The following TINAG variants were observed in gnomAD, a reference collection of about 807,000 sequenced individuals.
TINAG encodes tubulointerstitial nephritis antigen.
TINAG carries 83 observed loss-of-function variants against 72.7 expected under a neutral mutation model. The ratio of observed to expected loss-of-function variants is 1.14; its 90% CI spans 0.96 to 1.37. The LOEUF is 1.37. TINAG is among the 40% of genes most tolerant of loss of function. TINAG has a pLI of 0.00. For missense variants in TINAG, 685 were observed against 576.6 expected (o/e 1.19, Z -1.93); for synonymous variants, 234 against 189.9 (o/e 1.23, Z -1.91).
intron 4 of TINAG, among the ~76,000 whole-genome samples, chr6:54,341,767 A>G (rs1308646233): frequency 6.6e-6 from 1 of 152,120 alleles, no homozygotes; most frequent in African/African-American, 2.4e-5. Flanking sequence ...AATTTTTAAC[A>G]TTTTACTTCT....
chr6:54,334,603 G>C (rs1009122965), intron 4 of TINAG, among the ~76,000 whole-genome samples: 7 of 152,184 alleles, frequency 4.6e-5, no homozygotes, highest in African/African-American at 1.7e-4. Context: ...GGCAAATTGA[G>C]GTTGAGAAGT....
chr6:54,368,559 T>TA (rs1293911986), intron 9 of TINAG, among the ~76,000 whole-genome samples: 5 of 151,256 alleles, frequency 3.3e-5, no homozygotes, highest in Non-Finnish European at 3.0e-5. Flanking sequence ...TATTGCTTAT[T>TA]AAATTCTTAT....
At chr6:54,337,938 G>C (rs1017818503) in intron 4 of TINAG, among the ~76,000 whole-genome samples, 1 of 152,176 alleles carries the variant, frequency 6.6e-6, no homozygotes, top group African/African-American at 2.4e-5. Flanking sequence ...GCCGAGGACA[G>C]AGTAGTATGA....
At chr6:54,341,458 GT>G (rs1354384602) in intron 4 of TINAG, among the ~76,000 whole-genome samples, 2 of 152,080 alleles carry the variant, frequency 1.3e-5, no homozygotes, top group East Asian at 3.9e-4. Flanking sequence ...TCTGCTTGAT[GT>G]TTTTGGCACT....
intron 9 of TINAG, among the ~76,000 whole-genome samples, chr6:54,371,641 G>A (rs191872527): frequency 6.6e-6 from 1 of 151,924 alleles, no homozygotes; most frequent in Non-Finnish European, 1.5e-5. Context: ...GTAAGGAAAA[G>A]AGAAATGTAA....
At chr6:54,370,300 G>A (rs1261014213) in intron 9 of TINAG, among the ~76,000 whole-genome samples, 1 of 151,842 alleles carries the variant, frequency 6.6e-6, no homozygotes, top group Non-Finnish European at 1.5e-5. Flanking sequence ...TTTCTATATT[G>A]TGGGTGTATT....
chr6:54,334,746 G>A (rs1408070319), intron 4 of TINAG, among the ~76,000 whole-genome samples: 1 of 152,168 alleles, frequency 6.6e-6, no homozygotes, highest in African/African-American at 2.4e-5. Context: ...ACTCTACTAA[G>A]TCTACTTACT....
chr6:54,333,120 A>G (rs978238973), intron 4 of TINAG, among the ~76,000 whole-genome samples: 1 of 152,192 alleles, frequency 6.6e-6, no homozygotes, highest in African/African-American at 2.4e-5. Context: ...ATTACTGGGT[A>G]TATACCTAAA....
chr6:54,343,453 G>A, intron 5 of TINAG, 104 bp downstream of exon 5: 1 of 1,085,870 alleles, frequency 9.2e-7, no homozygotes, highest in African/African-American at 1.6e-5. Flanking sequence ...TTAAATATTA[G>A]CATATGATCA....
intron 1 of TINAG, among the ~76,000 whole-genome samples, chr6:54,312,950 C>A (rs1252766727): frequency 6.6e-6 from 1 of 152,120 alleles, no homozygotes; most frequent in Non-Finnish European, 1.5e-5. Context: ...TCTGTAGTTT[C>A]TGTAAGTGGA....
Position 54,326,877 on chromosome 6 carries a change from G to A in TINAG, c.585G>A (p.Leu195=). 1 of 1,612,970 alleles carries A rather than the reference G, an allele frequency of 6.2e-7. No individual in the cohort carries two copies. Among genetic ancestry groups the A allele is most frequent in the Non-Finnish European group, 8.5e-7 (1 of 1,179,786 alleles). ...EDGFKFRLGT[L]PPSPMLLSMN... ...GTTTTAAATTTCGCCTTGGCACTTT[G>A]CCACCTAGTCCCATGCTCCTGAGCA... is the stretch of plus-strand genomic sequence containing the variant. Residue 195 remains leucine, a synonymous_variant, in exon 4 of 11, where the codon TTG becomes TTA. Coordinates refer to ENST00000259782, the MANE Select transcript of TINAG (RefSeq NM_014464.4).
chr6:54,385,802 G>A (rs1764082522), intron 10 of TINAG, among the ~76,000 whole-genome samples: 1 of 150,330 alleles, frequency 6.7e-6, no homozygotes, highest in Admixed American at 6.6e-5. Flanking sequence ...TGTTAGGAAT[G>A]CAAGGTTGGT....
In TINAG at chr6:54,365,508, A is replaced by T. The variant is rs1763380720; in HGVS notation, c.1250+10872A>T. Reference sequence around the variant, plus strand: ...TCATCTGTGAGGGTCACATGTTGTGATCTCATCCAGCCTAGGGACAATGAA... The same window carrying T: ...TCATCTGTGAGGGTCACATGTTGTGTTCTCATCCAGCCTAGGGACAATGAA... On this transcript the variant is annotated intron_variant, in intron 9 of 10. Transcript: ENST00000259782. 7.9e-5 allele frequency: 12 copies of T among 151,482 alleles called. No homozygotes were observed. In the Admixed American group the frequency reaches 7.9e-4, roughly 10 times the overall value. 9.4% of individuals were successfully genotyped at this position (151,482 alleles called of 1,614,324 possible).
At chr6:54,327,193 A>C (rs1313029158) in intron 4 of TINAG, 6 of 1,538,812 alleles carry the variant, frequency 3.9e-6, no homozygotes, top group Non-Finnish European at 5.3e-6. Context: ...TCTGGTTGGC[A>C]GCTCCCAGCG....
chr6:54,323,974 T>C (rs1460608628), intron 3 of TINAG, among the ~76,000 whole-genome samples: 1 of 151,958 alleles, frequency 6.6e-6, no homozygotes, highest in African/African-American at 2.4e-5. Context: ...AAAAAACAAA[T>C]AATTTTTATG....
rs369799174 is a variant in TINAG at position 54,372,946 on chromosome 6, TA to T, written c.1251-7575del. On this transcript the variant is annotated intron_variant, in intron 9 of 10. Transcript: ENST00000259782. ...AAGTCAGCCCAAGTCTGAGCCACAATAAAAAGGAAAGGGCTACAGAAAAAAC... is the reference window on the plus strand; with the variant it reads ...AAGTCAGCCCAAGTCTGAGCCACAATAAAAGGAAAGGGCTACAGAAAAAAC... Among the ~76,000 whole-genome samples, 569 of 151,878 alleles carry T rather than the reference TA, an allele frequency of 3.7e-3. 11 individuals are homozygous for T. The highest frequency in any genetic ancestry group is 0.033 in the Admixed American group (494 of 15,200).
At chr6:54,359,945 A>T (rs1763170584) in intron 9 of TINAG, among the ~76,000 whole-genome samples, 1 of 151,818 alleles carries the variant, frequency 6.6e-6, no homozygotes, top group African/African-American at 2.4e-5. Flanking sequence ...TAACTAATGT[A>T]ACACGACAAA....
intron 3 of TINAG, among the ~76,000 whole-genome samples, chr6:54,325,417 A>G (rs2150939790): frequency 6.6e-6 from 1 of 152,316 alleles, no homozygotes; most frequent in Non-Finnish European, 1.5e-5. Flanking sequence ...GTCAAGAAGG[A>G]TGTTATAGGT....
At chr6:54,336,392 G>A (rs1057387546) in intron 4 of TINAG, among the ~76,000 whole-genome samples, 1 of 152,022 alleles carries the variant, frequency 6.6e-6, no homozygotes, top group Non-Finnish European at 1.5e-5. Flanking sequence ...ATAAAGAAAG[G>A]TGTAGGCCTG....
Sources: allele counts gnomAD v4.1 joint callset (sites outside exome capture counted in the v4.1 genomes callset), GRCh38; gene constraint gnomAD v4.1.1; transcripts MANE v1.5; gene names NCBI Gene and HGNC (gene_info 2026-07-23, HGNC 2026-07-21).